The following NPNT variants were observed in gnomAD, a reference collection of about 807,000 sequenced individuals.
NPNT encodes the protein nephronectin.
In NPNT, 45 loss-of-function variants were observed where a neutral mutation model predicts 68.6. The ratio of observed to expected loss-of-function variants is 0.66; its 90% CI spans 0.52 to 0.84. NPNT has a LOEUF of 0.84. Among genes scored for constraint, NPNT ranks in the 40% least tolerant of loss-of-function variants. The pLI is 0.00. For synonymous variants in NPNT, 233 were observed against 253.3 expected (o/e 0.92, Z 0.76); for missense variants, 672 against 714.8 (o/e 0.94, Z 0.68).
At chr4:105,959,665 T>C (rs1486914960) in intron 10 of NPNT, among the ~76,000 whole-genome samples, 1 of 152,122 alleles carries the variant, frequency 6.6e-6, no homozygotes, top group Non-Finnish European at 1.5e-5. Context: ...ACTCATTTTA[T>C]AACAAAAGGT....
intron 3 of NPNT, chr4:105,929,501 G>A (rs1219939469): frequency 1.3e-5 from 2 of 152,110 alleles, no homozygotes; most frequent in Non-Finnish European, 2.9e-5. Flanking sequence ...TTTTAAATAA[G>A]TGATGCTCTT....
Position 105,971,018 on chromosome 4 carries a change from C to A in NPNT, c.*2028C>A. On this transcript the variant is annotated 3_prime_UTR_variant, in exon 12 of 12. Transcript: ENST00000379987. ...AGATATTTTAGTATCTCAGTAATGT[C>A]CTAGTGTGGCGGTGGTTTTCAATGT... The A allele has an allele frequency of 2.8e-6, 1 of 355,504 alleles. No individual in the cohort carries two copies. Among genetic ancestry groups the A allele is most frequent in the Non-Finnish European group, 5.7e-6 (1 of 175,244 alleles). The allele number at this position is 355,504 out of a possible 1,614,324, so 22.0% of individuals were successfully genotyped here. A position where few individuals can be genotyped will look rare whatever the true frequency, so the allele number is the denominator to read the frequency against.
chr4:105,958,612 G>T lies in NPNT; in HGVS notation c.1246+55G>T, dbSNP rs1731432180. 6 of 1,003,122 alleles carry T rather than the reference G, an allele frequency of 6.0e-6. No individual in the cohort carries two copies. In the South Asian group the frequency reaches 1.1e-4, roughly 18 times the overall value. The allele number at this position is 1,003,122 out of a possible 1,614,324, so 62.1% of individuals were successfully genotyped here. ...ATGACATTTTATTGTTTCTCTCCAT[G>T]AAAATAACTTTTAAATGTAGATCGT... On this transcript the variant is annotated intron_variant, in intron 9 of 11. Transcript: ENST00000379987.
At chr4:105,943,997 A>G (rs1395823070) in intron 8 of NPNT, among the ~76,000 whole-genome samples, 1 of 152,104 alleles carries the variant, frequency 6.6e-6, no homozygotes, top group Non-Finnish European at 1.5e-5. Flanking sequence ...AAATAAATAA[A>G]CTAATAAAGG....
At position 105,922,391 on chromosome 4, in the gene NPNT, T is replaced by A. The variant is rs76841665; in HGVS notation, c.173-4945T>A. 3.6e-4 allele frequency among the ~76,000 whole-genome samples: 25 copies of A among 70,404 alleles called. No individual in the cohort carries two copies. In the Middle Eastern group the frequency reaches 0.035, roughly 98 times the overall value. 46.2% of individuals were successfully genotyped at this position (70,404 alleles called of 152,430 possible). The stretch of plus-strand genomic sequence containing the variant: ...CAGTTACATCACTTAAGATGGATAT[T>A]TTTTTTTTTTTTTTGAGATCAAGTC... On this transcript the variant is annotated intron_variant, in intron 2 of 11. Transcript: ENST00000379987.
chr4:105,944,872 A>T (rs889348778), intron 8 of NPNT, among the ~76,000 whole-genome samples: 1 of 152,240 alleles, frequency 6.6e-6, no homozygotes, highest in Non-Finnish European at 1.5e-5. Context: ...AAAGGCTCTA[A>T]GTTTTTAATT....
chr4:105,969,786 T>G lies in NPNT; in HGVS notation c.*796T>G, dbSNP rs570023196. On this transcript the variant is annotated 3_prime_UTR_variant, in exon 12 of 12. Transcript: ENST00000379987. ...ACCTTATATTGGCAGCAGTAGGAAA[T>G]TGGCAGAAGTGTTGGGTTGTGGTAA... 6.6e-6 allele frequency: 1 copy of G among 152,414 alleles called. No individual in the cohort carries two copies. Among genetic ancestry groups the G allele is most frequent in the African/African-American group, 2.4e-5 (1 of 41,556 alleles). The allele number at this position is 152,414 out of a possible 1,614,324, so 9.4% of individuals were successfully genotyped here.
chr4:105,968,824 A>AT (rs1732369439), intron 11 of NPNT, 71 bp from the exon 12 acceptor site: 1 of 867,506 alleles, frequency 1.2e-6, no homozygotes, highest in African/African-American at 1.7e-5. Context: ...GTTTGCCTTT[A>AT]TTTTTGCTTA....
intron 8 of NPNT, 91 bp from the exon 9 acceptor site, chr4:105,958,380 C>T (rs1266694434): frequency 1.7e-6 from 1 of 605,136 alleles, no homozygotes. Flanking sequence ...AATGACTAGG[C>T]CTTTTCCTCC....
chr4:105,918,786 A>C (rs1408291808), intron 2 of NPNT, among the ~76,000 whole-genome samples: 1 of 152,110 alleles, frequency 6.6e-6, no homozygotes, highest in Non-Finnish European at 1.5e-5. Context: ...CATACTTATA[A>C]TCCTCATCAT....
rs969857578 is a variant in NPNT at position 105,928,631 on chromosome 4, G to GA, written c.265+1212dup. 3.9e-4 allele frequency among the ~76,000 whole-genome samples: 52 copies of GA among 132,864 alleles called. 1 individual carries two copies. In the South Asian group the frequency reaches 0.011, roughly 28 times the overall value. 87.2% of individuals were successfully genotyped at this position (132,864 alleles called of 152,430 possible). On this transcript the variant is annotated intron_variant, in intron 3 of 11. Transcript: ENST00000379987. ...TCTGTCTCAAAAAAAAAAAAAAAAA[G>GA]AAAAAAAAATCATTATTAGGAATTA...
chr4:105,906,086 A>C (rs1228284038), intron 2 of NPNT, among the ~76,000 whole-genome samples: 2 of 152,234 alleles, frequency 1.3e-5, no homozygotes, highest in Non-Finnish European at 2.9e-5. Context: ...ATGGGGGTAA[A>C]ATAAAAATAT....
intron 2 of NPNT, chr4:105,902,732 G>C (rs1240115289): frequency 2.6e-5 from 4 of 152,190 alleles, no homozygotes; most frequent in Non-Finnish European, 4.4e-5. Flanking sequence ...GTAACTTCAA[G>C]TGGTCTTGGA....
At chr4:105,963,900 C>T (rs1359622264) in intron 10 of NPNT, among the ~76,000 whole-genome samples, 1 of 151,988 alleles carries the variant, frequency 6.6e-6, no homozygotes, top group Admixed American at 6.6e-5. Context: ...CAGCAAGATG[C>T]AGCCAGTTTC....
intron 10 of NPNT, 62 bp downstream of exon 10, chr4:105,959,188 C>T: frequency 2.0e-6 from 2 of 995,530 alleles, no homozygotes; most frequent in Non-Finnish European, 3.2e-6. Flanking sequence ...TCTGAAGACT[C>T]CACTGCTGCT....
chr4:105,954,041 A>G (rs897942304), intron 8 of NPNT, among the ~76,000 whole-genome samples: 2 of 152,194 alleles, frequency 1.3e-5, no homozygotes, highest in African/African-American at 4.8e-5. Flanking sequence ...GCAATTGACT[A>G]TTTGGGAAAC....
chr4:105,917,873 T>C (rs145692104), intron 2 of NPNT, among the ~76,000 whole-genome samples: 1,599 of 152,308 alleles, frequency 0.01, 30 homozygotes, highest in African/African-American at 0.036. Flanking sequence ...TCATGAAATA[T>C]GGTACTGAAT....
intron 8 of NPNT, among the ~76,000 whole-genome samples, chr4:105,950,948 A>G (rs1730784886): frequency 6.6e-6 from 1 of 152,130 alleles, no homozygotes; most frequent in Non-Finnish European, 1.5e-5. Flanking sequence ...TGTGTACACA[A>G]ATTACAAGGG....
At chr4:105,955,120 T>A (rs1026045076) in intron 8 of NPNT, among the ~76,000 whole-genome samples, 7 of 152,220 alleles carry the variant, frequency 4.6e-5, no homozygotes, top group Non-Finnish European at 1.0e-4. Context: ...ATTTATACCA[T>A]TCTAATTCTA....
Sources: allele counts gnomAD v4.1 joint callset (sites outside exome capture counted in the v4.1 genomes callset), GRCh38; gene constraint gnomAD v4.1.1; transcripts MANE v1.5; gene names NCBI Gene and HGNC (gene_info 2026-07-23, HGNC 2026-07-21).